Variants in MAGI2 observed in about 807,000 individuals in gnomAD.
MAGI2 encodes the protein membrane associated guanylate kinase, WW and PDZ domain containing 2.
A neutral mutation model predicts 133.3 loss-of-function variants in MAGI2; 35 were observed. The observed-to-expected ratio is 0.26, with a 90% CI of 0.20 to 0.35. The LOEUF (loss-of-function observed/expected upper bound fraction) is 0.35. Among genes scored for constraint, MAGI2 ranks in the 10% least tolerant of loss-of-function variants. The pLI, the probability that MAGI2 is intolerant of heterozygous loss-of-function variation, is 1.00. For synonymous variants in MAGI2, 729 were observed against 710.6 expected, an observed-to-expected ratio of 1.03 and a Z score of -0.41; for missense variants, 1,636 against 1,863.4, an observed-to-expected ratio of 0.88 and a Z score of 2.25.
chr7:79,346,854 G>T (rs1430781837), intron 1 of MAGI2, among the ~76,000 whole-genome samples: 1 of 151,934 alleles, frequency 6.6e-6, no homozygotes, highest in African/African-American at 2.4e-5. Flanking sequence ...TTACACAATG[G>T]TTTGTAGGGA....
chr7:78,421,065 A>G (rs903067987), intron 6 of MAGI2, among the ~76,000 whole-genome samples: 1 of 152,180 alleles, frequency 6.6e-6, no homozygotes, highest in African/African-American at 2.4e-5. Flanking sequence ...GGACTCAAGG[A>G]TGAAATTGTG....
At chr7:79,391,540 CAT>C (rs1198335417) in intron 1 of MAGI2, among the ~76,000 whole-genome samples, 995 of 46,564 alleles carry the variant, frequency 0.021, 6 homozygotes, top group African/African-American at 0.068. Context: ...TATATATAGA[CAT>C]ATATATATAT....
intron 7 of MAGI2, chr7:78,358,750 GA>G: frequency 4.8e-6 from 1 of 208,716 alleles, no homozygotes; most frequent in South Asian, 6.9e-5. Flanking sequence ...AGAGGAAGGA[GA>G]AGGCCAAGAT....
intron 1 of MAGI2, among the ~76,000 whole-genome samples, chr7:79,274,940 C>T (rs946213279): frequency 5.3e-5 from 8 of 152,120 alleles, no homozygotes; most frequent in Admixed American, 5.2e-4. Flanking sequence ...TACAATGAAC[C>T]TAATCGATAA....
intron 2 of MAGI2, among the ~76,000 whole-genome samples, chr7:78,980,615 C>T (rs1471311492): frequency 1.3e-5 from 2 of 151,802 alleles, no homozygotes; most frequent in African/African-American, 4.8e-5. Context: ...TTAAACATCT[C>T]AAAGTTAGCC....
intron 1 of MAGI2, among the ~76,000 whole-genome samples, chr7:79,389,974 A>G (rs1173948219): frequency 6.6e-6 from 1 of 152,192 alleles, no homozygotes; most frequent in Non-Finnish European, 1.5e-5. Context: ...CTTTTTAAGT[A>G]ACAGAAACTG....
chr7:79,405,893 G>C (rs73706431), intron 1 of MAGI2, among the ~76,000 whole-genome samples: 4,552 of 136,930 alleles, frequency 0.033, 240 homozygotes, highest in African/African-American at 0.12. Context: ...CTCCACCCTG[G>C]AGCAAAAATG....
intron 9 of MAGI2, among the ~76,000 whole-genome samples, chr7:78,331,199 A>C (rs1418017221): frequency 1.3e-5 from 2 of 152,190 alleles, no homozygotes; most frequent in Non-Finnish European, 2.9e-5. Context: ...AACAGACACT[A>C]GGGACTACTA....
At chr7:78,529,532 C>T (rs1364690300) in intron 3 of MAGI2, among the ~76,000 whole-genome samples, 2 of 151,944 alleles carry the variant, frequency 1.3e-5, no homozygotes, top group African/African-American at 4.8e-5. Context: ...ATGAGTATAT[C>T]CCATTTAAAG....
At chr7:79,452,355 G>C (rs1053938109) in intron 1 of MAGI2, among the ~76,000 whole-genome samples, 1 of 152,206 alleles carries the variant, frequency 6.6e-6, no homozygotes, top group Non-Finnish European at 1.5e-5. Context: ...CAGTACGCAC[G>C]TGACGCGCGA....
chr7:78,163,262 C>G (rs550892924), intron 15 of MAGI2, among the ~76,000 whole-genome samples: 1 of 152,028 alleles, frequency 6.6e-6, no homozygotes, highest in Non-Finnish European at 1.5e-5. Flanking sequence ...CTTAGCCTCC[C>G]GAGTAGCTGA....
At chr7:78,366,451 T>C (rs1412190596) in intron 7 of MAGI2, among the ~76,000 whole-genome samples, 10 of 152,196 alleles carry the variant, frequency 6.6e-5, no homozygotes, top group African/African-American at 2.4e-4. Context: ...CTGAAAGTGA[T>C]GAATAACCTC....
chr7:78,501,467 G>C (rs1584414180), intron 5 of MAGI2, 110 bp downstream of exon 5: 2 of 971,214 alleles, frequency 2.1e-6, no homozygotes, highest in African/African-American at 3.4e-5. Flanking sequence ...GCTGTTACCA[G>C]AATTTCATGT....
At chr7:78,757,815 T>A (rs1235727979) in intron 2 of MAGI2, among the ~76,000 whole-genome samples, 2 of 152,180 alleles carry the variant, frequency 1.3e-5, no homozygotes, top group Non-Finnish European at 2.9e-5. Flanking sequence ...CTCTCCACAC[T>A]CAGTCCTTAG....
At chr7:78,153,068 T>C (rs1310565628) in intron 16 of MAGI2, among the ~76,000 whole-genome samples, 4 of 152,224 alleles carry the variant, frequency 2.6e-5, no homozygotes, top group Non-Finnish European at 5.9e-5. Context: ...GCAATGACTT[T>C]CGGAGATGGA....
intron 6 of MAGI2, among the ~76,000 whole-genome samples, chr7:78,397,366 T>TACACACACACACACAC (rs71085528): frequency 1.6e-4 from 24 of 147,818 alleles, no homozygotes; most frequent in Middle Eastern, 3.5e-3. Flanking sequence ...TTGAAATTCC[T>TACACACACACACACAC]ACACACACAC....
chr7:79,183,887 G>A (rs1238482208), intron 1 of MAGI2, among the ~76,000 whole-genome samples: 1 of 151,798 alleles, frequency 6.6e-6, no homozygotes, highest in Non-Finnish European at 1.5e-5. Context: ...GTCAGGCACA[G>A]AAAGACAAAT....
chr7:78,373,540 C>T (rs2151273524), intron 6 of MAGI2, among the ~76,000 whole-genome samples: 1 of 88,192 alleles, frequency 1.1e-5, no homozygotes, highest in East Asian at 4.1e-4. Flanking sequence ...AAATCTAGGT[C>T]ACTTACTCTT....
chr7:78,709,817 T>C (rs1376845592), intron 2 of MAGI2, among the ~76,000 whole-genome samples: 1 of 152,174 alleles, frequency 6.6e-6, no homozygotes, highest in Non-Finnish European at 1.5e-5. Flanking sequence ...TCTTTTGGTA[T>C]TGACTTTTTG....
Sources: gnomAD v4.1 joint callset for allele counts (sites outside exome capture counted in the v4.1 genomes callset) on GRCh38, gnomAD v4.1.1 for gene constraint, MANE v1.5 for transcripts, NCBI Gene and HGNC (gene_info 2026-07-23, HGNC 2026-07-21) for gene names.